Variants in OTOG observed in about 807,000 individuals in gnomAD.
The protein encoded by OTOG is otogelin.
OTOG carries 296 observed loss-of-function variants against 313.8 expected under a neutral mutation model. The observed-to-expected ratio is 0.94, with a 90% CI of 0.86 to 1.04. The LOEUF is 1.04. OTOG is among the 50% of genes least tolerant of loss of function. OTOG has a pLI of 0.00. For missense variants in OTOG, 3,948 were observed against 3,840.1 expected (o/e 1.03, Z -0.74); for synonymous variants, 1,533 against 1,554.9 (o/e 0.99, Z 0.33).
chr11:17,617,097 G>C (rs1853739163), intron 39 of OTOG, among the ~76,000 whole-genome samples: 1 of 151,984 alleles, frequency 6.6e-6, no homozygotes, highest in African/African-American at 2.4e-5. Context: ...GCTTTTTTCT[G>C]CACCTATTTG....
chr11:17,563,862 T>TG (rs1852245306), intron 15 of OTOG, among the ~76,000 whole-genome samples: 1 of 148,418 alleles, frequency 6.7e-6, no homozygotes, highest in African/African-American at 2.5e-5. Flanking sequence ...TGGTTTTTTT[T>TG]TTTTTTTTTT....
At chr11:17,579,426 A>G (rs1852614568) in intron 23 of OTOG, among the ~76,000 whole-genome samples, 1 of 152,186 alleles carries the variant, frequency 6.6e-6, no homozygotes. Flanking sequence ...TTGCAGGTGA[A>G]GAAACTGAGG....
At chr11:17,599,262 C>G (rs1469509771) in intron 30 of OTOG, among the ~76,000 whole-genome samples, 1 of 152,148 alleles carries the variant, frequency 6.6e-6, no homozygotes, top group African/African-American at 2.4e-5. Context: ...ACCGAAGGCT[C>G]TTGGAAGACC....
At chr11:17,559,021 T>C in intron 10 of OTOG, 31 bp from the exon 11 acceptor site, 1 of 1,526,182 alleles carries the variant, frequency 6.6e-7, no homozygotes, top group Non-Finnish European at 8.9e-7. Flanking sequence ...TTGGGTTTTG[T>C]TCCAGTGTGA....
intron 42 of OTOG, 150 bp from the exon 43 acceptor site, chr11:17,633,530 A>T: frequency 1.5e-6 from 1 of 672,872 alleles, no homozygotes; most frequent in Non-Finnish European, 2.4e-6. Flanking sequence ...GAAGGAGGTG[A>T]TGTCACCAAG....
rs896254817 is a variant in OTOG at position 17,631,917 on chromosome 11, C to G, written c.6928C>G (p.Arg2310Gly). Residue 2310 changes from arginine to glycine, a missense_variant, in exon 41 of 56, where the codon CGC (arginine) becomes GGC (glycine). Coordinates refer to ENST00000399397, the MANE Select transcript of OTOG (RefSeq NM_001292063.2). ...CAACCGCACCTTCAGTGCCTGCCAC[C>G]GCTTTGTATGTGCCAACTGGGTCCA... is the stretch of plus-strand genomic sequence containing the variant. ...VSNRTFSACH[R>G]FVPPESFCEL... is the part of the protein sequence containing the mutation. The G allele has an allele frequency of 6.5e-7, 1 of 1,549,504 alleles. No homozygotes were observed. The highest frequency in any genetic ancestry group is 1.4e-5 in the African/African-American group (1 of 73,056).
chr11:17,630,753 C>T (rs1241667345), intron 40 of OTOG, among the ~76,000 whole-genome samples: 1 of 152,102 alleles, frequency 6.6e-6, no homozygotes, highest in Non-Finnish European at 1.5e-5. Context: ...GGAAGGACAT[C>T]TGAGAAAGTA....
Position 17,640,763 on chromosome 11 carries a change from G to A in OTOG, c.7954G>A (p.Asp2652Asn), listed in dbSNP as rs1847950685. ...CACCCAGTGGGAGAAATCCCAGCTG[G>A]ATGAGGAGTTCATGCACAGCGTGGA... ...RCHLWEKSQL[D>N]EEFMHSVENV... Residue 2652 changes from aspartate (D) to asparagine (N), a missense_variant, in exon 50 of 56, where the codon GAT becomes AAT. Transcript: ENST00000399397. 1.3e-6 allele frequency: 2 copies of A among 1,550,008 alleles called. 1 individual carries two copies. The highest frequency in any genetic ancestry group is 2.4e-5 in the South Asian group (2 of 84,070).
In OTOG at chr11:17,574,738, C is replaced by A. The variant is rs1281020969; in HGVS notation, c.2312C>A (p.Ser771Tyr). The A allele has an allele frequency of 1.3e-5, 20 of 1,550,592 alleles. No homozygotes were observed. In the East Asian group the frequency reaches 4.9e-4, roughly 38 times the overall value. The part of the protein sequence containing the change: ...LPACALSCEA[S>Y]KEYSPCVAPC... ...ACTGCAGCACTGTCCTGTGAGGCCT[C>A]CAAGGAGTATAGCCCCTGCGTGGCC... The change falls in exon 20 of 56, where the codon TCC becomes TAC. Residue 771 changes from serine (S) to tyrosine (Y), a missense_variant. Ser to Tyr is a moderately radical substitution (Grantham distance 144). Transcript: ENST00000399397.
At position 17,610,922 on chromosome 11, in the gene OTOG, A is replaced by C. The variant is rs1449424540; in HGVS notation, c.5622A>C (p.Pro1874=). The C allele has an allele frequency of 5.8e-6, 9 of 1,550,108 alleles. No individual in the cohort carries two copies. Among genetic ancestry groups the C allele is most frequent in the Non-Finnish European group, 7.8e-6 (9 of 1,146,894 alleles). The change falls in exon 36 of 56, where the codon CCA becomes CCC. Residue 1874 remains proline, a synonymous_variant. Coordinates refer to ENST00000399397, the MANE Select transcript of OTOG (RefSeq NM_001292063.2). ...HIAPPAAGTA[P]GLLLGATLPT... is the part of the protein sequence containing the mutation. Reference sequence around the variant, plus strand: ...CACCCCCAGCAGCAGGCACAGCTCCAGGCCTGCTGCTGGGAGCCACATTGC... The same window carrying C: ...CACCCCCAGCAGCAGGCACAGCTCCCGGCCTGCTGCTGGGAGCCACATTGC...
chr11:17,557,814 C>G (rs1285906906), intron 8 of OTOG, among the ~76,000 whole-genome samples: 1 of 152,172 alleles, frequency 6.6e-6, no homozygotes, highest in African/African-American at 2.4e-5. Context: ...CTCAAGTAGT[C>G]CTTGCAACAA....
chr11:17,643,939 G>T (rs1005758599), intron 54 of OTOG, among the ~76,000 whole-genome samples: 2 of 152,322 alleles, frequency 1.3e-5, no homozygotes, highest in African/African-American at 4.8e-5. Flanking sequence ...CGTTAGTCCC[G>T]CCTCTCCTCC....
In OTOG at chr11:17,610,052, T is replaced by C; in HGVS notation, c.4752T>C (p.Gly1584=). 1 of 1,550,316 alleles carries C rather than the reference T, an allele frequency of 6.5e-7. No homozygotes were observed. The highest frequency in any genetic ancestry group is 8.7e-7 in the Non-Finnish European group (1 of 1,146,772). The change falls in exon 36 of 56, where the codon GGT becomes GGC. Residue 1584 remains glycine (G), a synonymous_variant. Coordinates refer to ENST00000399397, the MANE Select transcript of OTOG (RefSeq NM_001292063.2). ...CACCCACACCTGGCATGGTGTCAGG[T>C]GCCATGGAGACAACAAGGGTGACTG... is the stretch of plus-strand genomic sequence containing the variant. ...LQTPTPGMVS[G]AMETTRVTVI...
intron 10 of OTOG, 65 bp downstream of exon 10, chr11:17,558,709 G>A: frequency 6.9e-7 from 1 of 1,450,530 alleles, no homozygotes; most frequent in Non-Finnish European, 9.4e-7. Flanking sequence ...CAGCACACGG[G>A]CCATCAAACT....
At chr11:17,552,980 T>C in intron 4 of OTOG, 139 bp from the exon 5 acceptor site, 1 of 759,198 alleles carries the variant, frequency 1.3e-6, no homozygotes, top group South Asian at 1.7e-5. Context: ...AGGCACCAGC[T>C]TGTGCTAGCT....
chr11:17,637,933 C>G (rs1565129483), intron 47 of OTOG, among the ~76,000 whole-genome samples: 2 of 152,218 alleles, frequency 1.3e-5, no homozygotes, highest in African/African-American at 4.8e-5. Flanking sequence ...TCCCTCACCC[C>G]TTGCCTTGTT....
rs76731168 is a variant in OTOG at position 17,560,652 on chromosome 11, G to A, written c.1343-57G>A. The A allele has an allele frequency of 1.0e-3, 1,314 of 1,315,704 alleles. 13 individuals carry two copies. The African/African-American group carries it at 0.014, about 14-fold the overall frequency. The allele number at this position is 1,315,704 out of a possible 1,614,324, so 81.5% of individuals were successfully genotyped here. A position where few individuals can be genotyped will look rare whatever the true frequency, so the allele number is the denominator to read the frequency against. ...TTTATCAGAGGCCCTGGGGAGCCAC[G>A]AATGGTTTGTGAACAGGGGCAAAGG... On this transcript the variant is annotated intron_variant, in intron 12 of 55. Coordinates refer to ENST00000399397, the MANE Select transcript of OTOG (RefSeq NM_001292063.2).
At chr11:17,559,260 T>C (rs1852125796) in intron 11 of OTOG, 99 bp downstream of exon 11, 2 of 1,024,386 alleles carry the variant, frequency 2.0e-6, no homozygotes, top group Non-Finnish European at 2.8e-6. Context: ...ATCACAGTTA[T>C]CAGAACTCTC....
chr11:17,608,971 A>T (rs1853457395), intron 34 of OTOG, among the ~76,000 whole-genome samples, 159 bp from the exon 35 acceptor site: 1 of 152,184 alleles, frequency 6.6e-6, no homozygotes. Context: ...CATGTGTGAC[A>T]GCATCTCTAT....
Sources: allele counts gnomAD v4.1 joint callset (sites outside exome capture counted in the v4.1 genomes callset), GRCh38; gene constraint gnomAD v4.1.1; transcripts MANE v1.5; gene names NCBI Gene and HGNC (gene_info 2026-07-23, HGNC 2026-07-21).